DOCK4: variants seen among roughly 807,000 people sequenced by gnomAD.
The protein encoded by DOCK4 is dedicator of cytokinesis protein 4.
A neutral mutation model predicts 268.1 loss-of-function variants in DOCK4; 97 were observed. That is an observed-to-expected ratio of 0.36 (90% confidence interval 0.31 to 0.43). DOCK4 has a LOEUF of 0.43. Among genes scored for constraint, DOCK4 ranks in the 20% least tolerant of loss-of-function variants. The probability of loss-of-function intolerance (pLI) is 1.00; values close to 1 mark genes in which losing one functional copy is unlikely to be tolerated. For synonymous variants in DOCK4, 954 were observed against 887.2 expected (o/e 1.08, Z -1.34); for missense variants, 2,145 against 2,455.7 (o/e 0.87, Z 2.67).
chr7:111,838,424 A>C (rs1803406573), intron 25 of DOCK4, among the ~76,000 whole-genome samples: 1 of 152,184 alleles, frequency 6.6e-6, no homozygotes. Flanking sequence ...CAAGAGGTGA[A>C]TGAATAAACA....
chr7:111,981,627 T>C (rs527725803), intron 7 of DOCK4, among the ~76,000 whole-genome samples: 21 of 152,348 alleles, frequency 1.4e-4, no homozygotes, highest in Non-Finnish European at 2.6e-4. Flanking sequence ...TTTTGGGCTA[T>C]AGTCTTTGTT....
At chr7:112,004,166 C>T in intron 1 of DOCK4, 35 bp from the exon 2 acceptor site, 2 of 1,482,166 alleles carry the variant, frequency 1.3e-6, no homozygotes, top group African/African-American at 1.4e-5. Context: ...TGAAGACAAT[C>T]ATGTCCATTA....
At position 111,979,141 on chromosome 7, in the gene DOCK4, G is replaced by A. The variant is rs6946765; in HGVS notation, c.550-1858C>T. Among the ~76,000 whole-genome samples, 1,259 of 152,276 alleles carry A rather than the reference G, an allele frequency of 8.3e-3. 24 individuals carry two copies. The highest frequency in any genetic ancestry group is 0.028 in the African/African-American group (1,169 of 41,552). ...CCGAATGACCAAATGAAGCCAAAAT[G>A]TCATGTAAATTTACAAGTGTTAACA... On this transcript the variant is annotated intron_variant, in intron 7 of 52. Coordinates refer to ENST00000428084, the MANE Select transcript of DOCK4 (RefSeq NM_001363540.2).
intron 36 of DOCK4, 42 bp downstream of exon 36, chr7:111,778,234 A>C: frequency 1.5e-6 from 2 of 1,352,740 alleles, no homozygotes; most frequent in African/African-American, 2.9e-5. Flanking sequence ...CATGATTAAT[A>C]CATCAGCTCC....
intron 25 of DOCK4, among the ~76,000 whole-genome samples, chr7:111,837,570 CA>C (rs1803326718): frequency 6.6e-6 from 1 of 151,958 alleles, no homozygotes; most frequent in Non-Finnish European, 1.5e-5. Flanking sequence ...AATATAAGAT[CA>C]ATGTACAAAA....
chr7:111,764,608 A>G (rs1261492502), intron 39 of DOCK4, among the ~76,000 whole-genome samples: 1 of 152,188 alleles, frequency 6.6e-6, no homozygotes, highest in African/African-American at 2.4e-5. Context: ...TAGAATGTCT[A>G]AAAGTTTTCT....
chr7:112,013,658 C>T lies in DOCK4; in HGVS notation c.38-9527G>A, dbSNP rs188361305. ...TTCAAAACAACGCAAGCATCCTCCT[C>T]GGTCACACGTGTCCATGTGAAGAGA... On this transcript the variant is annotated intron_variant, in intron 1 of 52. Coordinates refer to ENST00000428084, the MANE Select transcript of DOCK4 (RefSeq NM_001363540.2). Among the ~76,000 whole-genome samples, 783 of 152,318 alleles carry T rather than the reference C, an allele frequency of 5.1e-3. 4 individuals carry two copies. Among genetic ancestry groups the T allele is most frequent in the Non-Finnish European group, 6.7e-3 (456 of 68,038 alleles).
chr7:111,993,139 G>A (rs1320443519), intron 5 of DOCK4, among the ~76,000 whole-genome samples: 1 of 152,146 alleles, frequency 6.6e-6, no homozygotes, highest in Non-Finnish European at 1.5e-5. Context: ...GACTTTGTCA[G>A]ATTTTCTTGC....
chr7:112,009,234 G>A (rs1163069405), intron 1 of DOCK4, among the ~76,000 whole-genome samples: 15 of 152,156 alleles, frequency 9.9e-5, no homozygotes, highest in Admixed American at 9.8e-4. Flanking sequence ...TACAAAGGAA[G>A]GAAAACTTCT....
Position 111,764,658 on chromosome 7 carries a change from C to T in DOCK4, c.4020+460G>A, listed in dbSNP as rs371149803. On this transcript the variant is annotated intron_variant, in intron 39 of 52. Transcript: ENST00000428084. ...AGTTTATACTAGCAATAAATTGGGT[C>T]TCTTTGCTGGGTGACATTTATCTTT... Among the ~76,000 whole-genome samples, 9 of 152,176 alleles carry T rather than the reference C, an allele frequency of 5.9e-5. No homozygotes were observed. In the East Asian group the frequency reaches 7.7e-4, roughly 13 times the overall value.
intron 11 of DOCK4, among the ~76,000 whole-genome samples, chr7:111,938,695 A>C (rs1794938497): frequency 1.3e-5 from 2 of 152,232 alleles, no homozygotes; most frequent in Admixed American, 1.3e-4. Flanking sequence ...GTAACGTTGA[A>C]GTCCTAACCC....
At chr7:112,134,523 T>C (rs1814131471) in intron 1 of DOCK4, among the ~76,000 whole-genome samples, 1 of 151,864 alleles carries the variant, frequency 6.6e-6, no homozygotes, top group Non-Finnish European at 1.5e-5. Context: ...ATCGAGACCA[T>C]GCGGGCTAAC....
chr7:111,731,098 C>T (rs1242913494), intron 52 of DOCK4, among the ~76,000 whole-genome samples: 1 of 152,142 alleles, frequency 6.6e-6, no homozygotes, highest in African/African-American at 2.4e-5. Flanking sequence ...GCTATGACTT[C>T]CAGAGTGAAT....
intron 21 of DOCK4, 127 bp from the exon 22 acceptor site, chr7:111,868,281 T>C: frequency 3.2e-6 from 2 of 620,664 alleles, no homozygotes; most frequent in East Asian, 3.2e-5. Context: ...ACCAAGGCCT[T>C]GTGAGGCTTT....
intron 1 of DOCK4, among the ~76,000 whole-genome samples, chr7:112,119,398 G>T (rs1401532864): frequency 2.0e-5 from 3 of 152,180 alleles, no homozygotes; most frequent in Non-Finnish European, 4.4e-5. Flanking sequence ...CAACACTGAG[G>T]AAAGAGTAGT....
At chr7:111,934,958 T>C (rs1011325897) in intron 12 of DOCK4, among the ~76,000 whole-genome samples, 1 of 152,122 alleles carries the variant, frequency 6.6e-6, no homozygotes, top group African/African-American at 2.4e-5. Flanking sequence ...CTTTTTTTTT[T>C]TTCTTTGAGA....
intron 52 of DOCK4, 41 bp downstream of exon 52, chr7:111,732,185 C>G (rs184624180): frequency 5.6e-6 from 9 of 1,601,560 alleles, no homozygotes; most frequent in African/African-American, 4.0e-5. Flanking sequence ...AAAAAGAAAA[C>G]TGGGCCAGTC....
chr7:112,017,622 C>T (rs576875332), intron 1 of DOCK4, among the ~76,000 whole-genome samples: 11 of 152,170 alleles, frequency 7.2e-5, no homozygotes, highest in Non-Finnish European at 1.3e-4. Context: ...GCGATCCATC[C>T]ATACTGTTCA....
chr7:111,818,721 C>T (rs1339354941), intron 27 of DOCK4, among the ~76,000 whole-genome samples: 1 of 152,194 alleles, frequency 6.6e-6, no homozygotes, highest in African/African-American at 2.4e-5. Flanking sequence ...TTTACTGGTT[C>T]CTTCCCTCCC....
Sources: allele counts gnomAD v4.1 joint callset (sites outside exome capture counted in the v4.1 genomes callset), GRCh38; gene constraint gnomAD v4.1.1; transcripts MANE v1.5; gene names NCBI Gene and HGNC (gene_info 2026-07-23, HGNC 2026-07-21).